Variants in CCL17 observed in about 807,000 individuals in gnomAD.
The protein encoded by CCL17 is C-C motif chemokine ligand 17, also known as C-C motif chemokine 17.
In CCL17, 8 loss-of-function variants were observed where a neutral mutation model predicts 7.4. The observed-to-expected ratio is 1.09, with a 90% CI of 0.64 to 1.96. CCL17 has a LOEUF of 1.96. Ranked by LOEUF, CCL17 falls within the 30% of genes most tolerant of loss-of-function variation. The probability of loss-of-function intolerance (pLI) is 0.00; values close to 1 mark genes in which losing one functional copy is unlikely to be tolerated. For missense variants in CCL17, 102 were observed against 113.0 expected, an observed-to-expected ratio of 0.90 and a Z score of 0.44; for synonymous variants, 40 against 46.1, an observed-to-expected ratio of 0.87 and a Z score of 0.54.
Position 57,415,336 on chromosome 16 carries a change from A to G in CCL17, c.188+138A>G, listed in dbSNP as rs2146543105. The G allele has an allele frequency of 1.5e-6, 1 of 657,236 alleles. No homozygotes were observed. The highest frequency in any genetic ancestry group is 2.7e-6 in the Non-Finnish European group (1 of 367,904). The allele number at this position is 657,236 out of a possible 1,614,324, so 40.7% of individuals were successfully genotyped here. The stretch of plus-strand genomic sequence containing the variant: ...TCCCCAACCCCTGCAGGCTCCCCAC[A>G]CTGTGGGACCCAAAAGGGCCGCAGG... On this transcript the variant is annotated intron_variant, in intron 3 of 3. Coordinates refer to ENST00000219244, the MANE Select transcript of CCL17 (RefSeq NM_002987.3). The surrounding 1 kb of genome is among the most constrained non-coding windows in gnomAD (Gnocchi z 4.5).
chr16:57,403,105 C>CAT (rs1160449600), upstream of CCL17, among the ~76,000 whole-genome samples: 2 of 108,948 alleles, frequency 1.8e-5, no homozygotes, highest in African/African-American at 7.2e-5. Flanking sequence ...TAAACAAATA[C>CAT]ATATATATAT....
At chr16:57,414,410 CTTTTTTTTTT>C (rs71152269) in intron 2 of CCL17, among the ~76,000 whole-genome samples, 5 of 75,994 alleles carry the variant, frequency 6.6e-5, no homozygotes, top group East Asian at 1.0e-3. Context: ...AAAAAGGATT[CTTTTTTTTTT>C]TTTTTTTTTT....
At chr16:57,410,538 C>T (rs186713993) in intron 1 of CCL17, among the ~76,000 whole-genome samples, 1 of 152,216 alleles carries the variant, frequency 6.6e-6, no homozygotes, top group Non-Finnish European at 1.5e-5. Context: ...GCCTCACTGC[C>T]ACTTCCTCCA....
intron 1 of CCL17, among the ~76,000 whole-genome samples, chr16:57,410,070 C>A (rs1279359808): frequency 6.6e-6 from 1 of 152,192 alleles, no homozygotes; most frequent in African/African-American, 2.4e-5. Context: ...TCCTGGTCAG[C>A]CACAGCTGTC....
intron 1 of CCL17, among the ~76,000 whole-genome samples, chr16:57,410,138 T>G (rs150892956): frequency 1.6e-3 from 242 of 152,288 alleles, no homozygotes; most frequent in Non-Finnish European, 2.6e-3. Flanking sequence ...GCCCTGTGAC[T>G]GAGAGCATCC....
Position 57,415,024 on chromosome 16 carries a change from C to T in CCL17, c.71-57C>T. On this transcript the variant is annotated intron_variant, in intron 2 of 3. Transcript: ENST00000219244. The surrounding 1 kb of genome is among the most constrained non-coding windows in gnomAD (Gnocchi z 4.5). ...CTTCCACGAACACCCCCCAGAGGTC[C>T]CCGCAACACACACGCAGACACTCAC... 1 of 1,154,926 alleles carries T rather than the reference C, an allele frequency of 8.7e-7. No homozygotes were observed. Among genetic ancestry groups the T allele is most frequent in the South Asian group, 1.2e-5 (1 of 81,922 alleles). The allele number at this position is 1,154,926 out of a possible 1,614,324, so 71.5% of individuals were successfully genotyped here. A position where few individuals can be genotyped will look rare whatever the true frequency, so the allele number is the denominator to read the frequency against.
chr16:57,410,459 C>G (rs1227032574), intron 1 of CCL17, among the ~76,000 whole-genome samples: 2 of 152,166 alleles, frequency 1.3e-5, no homozygotes, highest in Non-Finnish European at 2.9e-5. Flanking sequence ...TGGCCTGCTT[C>G]CCTGCCATGG....
chr16:57,415,787 G>A lies in CCL17; in HGVS notation c.211G>A (p.Ala71Thr). 1 of 1,612,472 alleles carries A rather than the reference G, an allele frequency of 6.2e-7. No homozygotes were observed. Among genetic ancestry groups the A allele is most frequent in the South Asian group, 1.1e-5 (1 of 91,052 alleles). ...TAGTTTTGTAACTGTGCAGGGCAGG[G>A]CCATCTGTTCGGACCCCAACAACAA... Reference protein sequence around the residue: ...AIVFVTVQGRAICSDPNNKRV... With the variant: ...AIVFVTVQGRTICSDPNNKRV... The change falls in exon 4 of 4, where the codon GCC (alanine) becomes ACC (threonine). Residue 71 changes from alanine (A) to threonine (T), a missense_variant. Ala to Thr is a moderately conservative substitution (Grantham distance 58, BLOSUM62 0). Transcript: ENST00000219244. The surrounding 1 kb of genome is among the most constrained non-coding windows in gnomAD (Gnocchi z 4.5).
chr16:57,408,773 A>C (rs1469762001), intron 1 of CCL17, among the ~76,000 whole-genome samples: 9 of 151,546 alleles, frequency 5.9e-5, no homozygotes, highest in Admixed American at 5.9e-4. Flanking sequence ...ACAGGGTTTC[A>C]CCATGTTGGC....
chr16:57,398,084 G>A, the CCL17 span, among the ~76,000 whole-genome samples: 46 of 152,058 alleles, frequency 3.0e-4, no homozygotes, highest in Non-Finnish European at 5.6e-4. Flanking sequence ...TTGAAGCACC[G>A]GTCCCTCAAG....
chr16:57,409,507 G>A (rs1039470689), intron 1 of CCL17, among the ~76,000 whole-genome samples: 21 of 152,194 alleles, frequency 1.4e-4, no homozygotes, highest in African/African-American at 5.1e-4. Context: ...TCAGACTTGT[G>A]TTTTGGAGAT....
At chr16:57,410,702 G>A (rs1243116880) in intron 1 of CCL17, among the ~76,000 whole-genome samples, 2 of 152,214 alleles carry the variant, frequency 1.3e-5, no homozygotes, top group African/African-American at 4.8e-5. Flanking sequence ...GAGAACTGAG[G>A]AGGGATAAAC....
At chr16:57,412,679 C>A (rs1941080547) in intron 1 of CCL17, among the ~76,000 whole-genome samples, 1 of 152,118 alleles carries the variant, frequency 6.6e-6, no homozygotes, top group Non-Finnish European at 1.5e-5. Context: ...AGGCCAAGGT[C>A]CCCCATGTCA....
the CCL17 span, among the ~76,000 whole-genome samples, chr16:57,397,181 G>C: frequency 1.3e-5 from 2 of 152,178 alleles, no homozygotes; most frequent in Admixed American, 1.3e-4. Flanking sequence ...GGGGCCTTAC[G>C]ATGGGCCAAG....
At chr16:57,410,348 G>C (rs1476907407) in intron 1 of CCL17, among the ~76,000 whole-genome samples, 1 of 152,140 alleles carries the variant, frequency 6.6e-6, no homozygotes, top group Non-Finnish European at 1.5e-5. Flanking sequence ...GGTGTGCCTG[G>C]CCACTTTAGT....
At chr16:57,414,048 G>C in intron 2 of CCL17, 46 bp downstream of exon 2, 1 of 1,522,646 alleles carries the variant, frequency 6.6e-7, no homozygotes, top group East Asian at 2.3e-5. Flanking sequence ...CGGGAGGACA[G>C]GGGTTGGGGG....
At chr16:57,397,812 G>A in the CCL17 span, among the ~76,000 whole-genome samples, 3 of 152,188 alleles carry the variant, frequency 2.0e-5, no homozygotes, top group Non-Finnish European at 4.4e-5. Flanking sequence ...TCTGGTAACT[G>A]GGCGCTGGTC....
Position 57,415,827 on chromosome 16 carries a change from C to T in CCL17, c.251C>T (p.Ala84Val), listed in dbSNP as rs1160889636. ...SDPNNKRVKN[A>V]VKYLQSLERS ...CCCAACAACAAGAGAGTGAAGAATG[C>T]AGTTAAATACCTGCAAAGCCTTGAG... Residue 84 changes from alanine (A) to valine (V), a missense_variant, in exon 4 of 4, where the codon GCA becomes GTA. Ala to Val is a moderately conservative substitution (Grantham distance 64). Transcript: ENST00000219244. This position sits in a 1 kb window ranked among gnomAD's most constrained non-coding sequence, Gnocchi z 4.5. The T allele has an allele frequency of 6.2e-7, 1 of 1,612,620 alleles. No homozygotes were observed. Among genetic ancestry groups the T allele is most frequent in the Non-Finnish European group, 8.5e-7 (1 of 1,178,620 alleles).
the CCL17 span, among the ~76,000 whole-genome samples, chr16:57,397,661 C>A: frequency 6.6e-6 from 1 of 152,196 alleles, no homozygotes; most frequent in East Asian, 1.9e-4. Context: ...TTAATGGGAG[C>A]TCCCCCAGAG....
Sources: gnomAD v4.1 joint callset for allele counts (sites outside exome capture counted in the v4.1 genomes callset) on GRCh38, gnomAD v4.1.1 for gene constraint, Gnocchi (gnomAD v3.1) non-coding constraint, MANE v1.5 for transcripts, NCBI Gene and HGNC (gene_info 2026-07-23, HGNC 2026-07-21) for gene names.